SCN11A: variants seen among roughly 807,000 people sequenced by gnomAD.
SCN11A encodes sodium voltage-gated channel alpha subunit 11.
In SCN11A, 122 loss-of-function variants were observed where a neutral mutation model predicts 162.2. The ratio of observed to expected loss-of-function variants is 0.75; its 90% CI spans 0.65 to 0.87. SCN11A has a LOEUF of 0.87. Among genes scored for constraint, SCN11A ranks in the 40% least tolerant of loss-of-function variants. SCN11A has a pLI of 0.00. For missense variants in SCN11A, 2,015 were observed against 2,181.6 expected (o/e 0.92, Z 1.52); for synonymous variants, 758 against 751.5 (o/e 1.01, Z -0.14).
rs187284489 is a variant in SCN11A, at chr3:38,988,036, C to T, written c.-279-27613G>A. On this transcript the variant is annotated intron_variant, in intron 2 of 29. Transcript: ENST00000302328. ...GACTAGCTACATAATTTGTGGCGCC[C>T]GGTGCAAATGGGAATTTGAGGCTCC... 5.6e-3 allele frequency among the ~76,000 whole-genome samples: 798 copies of T among 142,010 alleles called. 3 individuals carry two copies. The highest frequency in any genetic ancestry group is 0.021 in the Middle Eastern group (6 of 286). The allele number at this position is 142,010 out of a possible 152,430, so 93.2% of individuals were successfully genotyped here.
intron 2 of SCN11A, among the ~76,000 whole-genome samples, chr3:38,985,126 G>T (rs79421463): frequency 5.1e-5 from 7 of 138,086 alleles, no homozygotes; most frequent in Admixed American, 1.4e-4. Context: ...CTGGCTGGCT[G>T]TCTTTTTTTT....
At chr3:38,917,555 A>G (rs1559530387) in intron 11 of SCN11A, among the ~76,000 whole-genome samples, 1 of 152,198 alleles carries the variant, frequency 6.6e-6, no homozygotes, top group Admixed American at 6.5e-5. Flanking sequence ...TAACAAACTA[A>G]TGCAAGAACA....
At chr3:38,946,631 G>A (rs544962084) in intron 6 of SCN11A, among the ~76,000 whole-genome samples, 158 bp downstream of exon 6, 6 of 152,318 alleles carry the variant, frequency 3.9e-5, no homozygotes, top group African/African-American at 1.4e-4. Context: ...ACGACATCTT[G>A]CTCACATCCA....
chr3:38,986,455 T>C (rs981078517), intron 2 of SCN11A, among the ~76,000 whole-genome samples: 1 of 152,218 alleles, frequency 6.6e-6, no homozygotes, highest in Non-Finnish European at 1.5e-5. Flanking sequence ...AGACCCTGCT[T>C]CTGCCTTACA....
At chr3:39,020,832 C>G (rs1443257571) in intron 2 of SCN11A, among the ~76,000 whole-genome samples, 2 of 152,138 alleles carry the variant, frequency 1.3e-5, no homozygotes, top group Non-Finnish European at 2.9e-5. Flanking sequence ...ATCCTCTAAG[C>G]AGTGGCTCTC....
At chr3:38,991,099 G>C (rs2030438223) in intron 2 of SCN11A, among the ~76,000 whole-genome samples, 1 of 152,140 alleles carries the variant, frequency 6.6e-6, no homozygotes, top group African/African-American at 2.4e-5. Context: ...TTACTTCTTA[G>C]AAATGGATGG....
At chr3:38,963,893 C>T (rs554003857) in intron 2 of SCN11A, among the ~76,000 whole-genome samples, 1 of 152,204 alleles carries the variant, frequency 6.6e-6, no homozygotes, top group South Asian at 2.1e-4. Flanking sequence ...AAAAATTAAA[C>T]AATTTTTTCT....
chr3:38,938,539 T>C (rs2066382950), intron 7 of SCN11A, among the ~76,000 whole-genome samples: 1 of 24,852 alleles, frequency 4.0e-5, no homozygotes, highest in Non-Finnish European at 7.5e-5. Flanking sequence ...TATATATATA[T>C]ATATATATAT....
intron 2 of SCN11A, among the ~76,000 whole-genome samples, chr3:39,029,069 A>G (rs1462554341): frequency 6.6e-6 from 1 of 152,190 alleles, no homozygotes; most frequent in African/African-American, 2.4e-5. Flanking sequence ...ATGGTCATTT[A>G]CTTCAATAAT....
intron 1 of SCN11A, among the ~76,000 whole-genome samples, chr3:39,048,023 C>T (rs1430645374): frequency 1.3e-5 from 2 of 152,024 alleles, no homozygotes; most frequent in East Asian, 3.9e-4. Context: ...CCACTACTAC[C>T]CAAAGAACAG....
intron 2 of SCN11A, among the ~76,000 whole-genome samples, chr3:38,980,023 T>C (rs2029958050): frequency 6.6e-6 from 1 of 152,122 alleles, no homozygotes; most frequent in Non-Finnish European, 1.5e-5. Context: ...AGCTCACGTA[T>C]GGCCCACATC....
chr3:38,902,339 C>T lies in SCN11A; in HGVS notation c.1842+1526G>A, dbSNP rs549242550. On this transcript the variant is annotated intron_variant, in intron 16 of 29. Transcript: ENST00000302328. ...AAGCAGCATGGAATCTAGTCTAACC[C>T]ATTCACACCCACAAAGCATTTATTC... Among the ~76,000 whole-genome samples, 413 of 152,240 alleles carry T rather than the reference C, an allele frequency of 2.7e-3. 1 individual carries two copies. The highest frequency in any genetic ancestry group is 4.9e-3 in the Non-Finnish European group (330 of 68,010).
At chr3:38,956,062 T>C (rs533687752) in intron 3 of SCN11A, among the ~76,000 whole-genome samples, 2 of 152,124 alleles carry the variant, frequency 1.3e-5, no homozygotes, top group East Asian at 3.9e-4. Context: ...CTGGCCAACA[T>C]GGTGAAACTT....
chr3:38,888,594 G>T (rs1218037819), intron 19 of SCN11A, among the ~76,000 whole-genome samples: 1 of 152,188 alleles, frequency 6.6e-6, no homozygotes, highest in Non-Finnish European at 1.5e-5. Context: ...GTTACATAGA[G>T]TTTCACTTCC....
chr3:38,870,702 C>A lies in SCN11A; in HGVS notation c.3802G>T (p.Asp1268Tyr). Residue 1268 changes from aspartate to tyrosine, a missense_variant, in exon 26 of 30, where the codon GAT becomes TAT. By Grantham distance (160) the Asp-to-Tyr change is radical (BLOSUM62 -3). Coordinates refer to ENST00000302328, the MANE Select transcript of SCN11A (RefSeq NM_001349253.2). ...GWMDIIYAAV[D>Y]STEKEQQPEF... ...GAACACTGACTCACCTCTGTGGAAT[C>A]AACAGCTGCATATATAATATCCATC... The A allele has an allele frequency of 6.2e-7, 1 of 1,613,568 alleles. No homozygotes were observed. The highest frequency in any genetic ancestry group is 1.7e-4 in the Middle Eastern group (1 of 6,044).
At chr3:38,870,321 TCTAAA>T in intron 26 of SCN11A, among the ~76,000 whole-genome samples, 1 of 152,312 alleles carries the variant, frequency 6.6e-6, no homozygotes, top group East Asian at 1.9e-4. Context: ...TTTCCCACAA[TCTAAA>T]ACAGATACTC....
intron 2 of SCN11A, among the ~76,000 whole-genome samples, chr3:38,992,268 T>C (rs1005633149): frequency 2.0e-5 from 3 of 152,258 alleles, no homozygotes; most frequent in South Asian, 2.1e-4. Context: ...GATGTCATGA[T>C]TAAGTTACAG....
intron 5 of SCN11A, among the ~76,000 whole-genome samples, chr3:38,949,849 T>C (rs1035562111): frequency 6.6e-6 from 1 of 152,210 alleles, no homozygotes; most frequent in African/African-American, 2.4e-5. Context: ...TTCTCTGTTT[T>C]CCTTTTATCC....
chr3:38,921,798 C>A (rs892232132), intron 9 of SCN11A, among the ~76,000 whole-genome samples: 3 of 152,126 alleles, frequency 2.0e-5, no homozygotes, highest in Non-Finnish European at 4.4e-5. Context: ...GTTTTCTTTT[C>A]ATTCATTCAT....
Sources: gnomAD v4.1 joint callset for allele counts (sites outside exome capture counted in the v4.1 genomes callset) on GRCh38, gnomAD v4.1.1 for gene constraint, MANE v1.5 for transcripts, NCBI Gene and HGNC (gene_info 2026-07-23, HGNC 2026-07-21) for gene names.